Variants in SLC25A48 observed in about 807,000 individuals in gnomAD.
The protein encoded by SLC25A48 is CTC-321K16.1.
Under a neutral mutation model 32.2 loss-of-function variants are expected in SLC25A48, and 29 were observed. That is an observed-to-expected ratio of 0.90 (90% CI 0.67 to 1.23). The LOEUF (loss-of-function observed/expected upper bound fraction) is 1.23. SLC25A48 is among the 50% of genes most tolerant of loss of function. SLC25A48 has a pLI of 0.00. For missense variants in SLC25A48, 399 were observed against 422.7 expected, an observed-to-expected ratio of 0.94 and a Z score of 0.49; for synonymous variants, 164 against 172.3, an observed-to-expected ratio of 0.95 and a Z score of 0.38.
intron 3 of SLC25A48, among the ~76,000 whole-genome samples, chr5:135,669,057 A>G (rs1753589265): frequency 6.6e-6 from 1 of 152,218 alleles, no homozygotes; most frequent in South Asian, 2.1e-4. Flanking sequence ...TATGCTAGGC[A>G]CAGTGCTAAG....
At position 135,610,446 on chromosome 5, in the gene SLC25A48, A is replaced by G. The variant is rs371990205; in HGVS notation, c.-848-18791A>G. ...GCCTCATGTAGTATTTAATATGTGG[A>G]ACATATATAACAAATATTTACTTGC... On this transcript the variant is annotated intron_variant, in intron 1 of 10. Coordinates refer to the SLC25A48 transcript ENST00000646290. 6.6e-5 allele frequency among the ~76,000 whole-genome samples: 10 copies of G among 152,310 alleles called. 1 individual carries two copies. In the South Asian group the frequency reaches 2.1e-3, roughly 32 times the overall value.
intron 3 of SLC25A48, among the ~76,000 whole-genome samples, chr5:135,778,450 C>T (rs1037730813): frequency 2.0e-5 from 3 of 151,532 alleles, no homozygotes; most frequent in African/African-American, 7.3e-5. Context: ...CACCGCCACC[C>T]CACCCCGTCC....
At chr5:135,874,511 C>G (rs748250630) in intron 6 of SLC25A48, 3 of 559,692 alleles carry the variant, frequency 5.4e-6, no homozygotes, top group Non-Finnish European at 9.5e-6. Flanking sequence ...TGGCTCAGTG[C>G]CTTCCCCACT....
intron 3 of SLC25A48, among the ~76,000 whole-genome samples, chr5:135,749,399 A>T (rs984658666): frequency 6.6e-6 from 1 of 151,116 alleles, no homozygotes; most frequent in Non-Finnish European, 1.5e-5. Flanking sequence ...GGAATTTTCC[A>T]TCCCTAGTAT....
At chr5:135,786,735 G>A (rs1158069462) in intron 3 of SLC25A48, among the ~76,000 whole-genome samples, 1 of 151,824 alleles carries the variant, frequency 6.6e-6, no homozygotes, top group Non-Finnish European at 1.5e-5. Flanking sequence ...CTGGCGAGAT[G>A]TTATATTTAA....
intron 1 of SLC25A48, among the ~76,000 whole-genome samples, chr5:135,592,165 A>G (rs1751542389): frequency 6.6e-6 from 1 of 152,182 alleles, no homozygotes; most frequent in South Asian, 2.1e-4. Flanking sequence ...GCAAGGATCT[A>G]CGGTGAGAAG....
rs114118875 is a variant in SLC25A48 at position 135,837,687 on chromosome 5, C to A, written c.46+2794C>A. Among the ~76,000 whole-genome samples the A allele has an allele frequency of 9.0e-3, 1,374 of 152,240 alleles. 12 individuals are homozygous for A. The highest frequency in any genetic ancestry group is 0.029 in the African/African-American group (1,203 of 41,510). ...TCCAATGGCTTTATAAAGGGGAGTTCCCTACACAAGCTCTCTTTTTCCCTG... is the reference window on the plus strand; with the variant it reads ...TCCAATGGCTTTATAAAGGGGAGTTACCTACACAAGCTCTCTTTTTCCCTG... On this transcript the variant is annotated intron_variant, in intron 1 of 7. Transcript: ENST00000681962.
At chr5:135,710,090 A>G (rs941782892) in intron 3 of SLC25A48, among the ~76,000 whole-genome samples, 1 of 152,226 alleles carries the variant, frequency 6.6e-6, no homozygotes, top group African/African-American at 2.4e-5. Context: ...TGGCTCTGGC[A>G]CACCAACAGG....
At chr5:135,676,340 T>C (rs1447423421) in intron 3 of SLC25A48, among the ~76,000 whole-genome samples, 2 of 151,934 alleles carry the variant, frequency 1.3e-5, no homozygotes, top group Non-Finnish European at 1.5e-5. Context: ...TCCTTTTTAT[T>C]TTCCGATTTT....
At chr5:135,819,116 A>G (rs1309103712) in intron 4 of SLC25A48, among the ~76,000 whole-genome samples, 2 of 151,994 alleles carry the variant, frequency 1.3e-5, no homozygotes, top group Non-Finnish European at 2.9e-5. Context: ...TCTAACATAC[A>G]TGACATTGGA....
chr5:135,670,423 T>C (rs1753627963), intron 3 of SLC25A48, among the ~76,000 whole-genome samples: 1 of 152,204 alleles, frequency 6.6e-6, no homozygotes, highest in African/African-American at 2.4e-5. Flanking sequence ...CTGTAGTCTT[T>C]TCCAGGCACG....
chr5:135,883,334 A>G, intron 7 of SLC25A48: 1 of 985,518 alleles, frequency 1.0e-6, no homozygotes, highest in Non-Finnish European at 1.2e-6. Context: ...AACGAACAGA[A>G]CAAAACAAAA....
intron 3 of SLC25A48, among the ~76,000 whole-genome samples, chr5:135,707,431 A>G (rs1432676962): frequency 6.6e-6 from 1 of 152,026 alleles, no homozygotes; most frequent in African/African-American, 2.4e-5. Flanking sequence ...CCCTGCCCAG[A>G]TCCCTCCCTG....
intron 3 of SLC25A48, among the ~76,000 whole-genome samples, chr5:135,809,027 CG>C (rs34701629): frequency 6.6e-6 from 1 of 151,688 alleles, no homozygotes; most frequent in Non-Finnish European, 1.5e-5. Flanking sequence ...TAGGCTGGGT[CG>C]GGGGGGCTCA....
At chr5:135,825,880 G>C (rs1389213513) in intron 4 of SLC25A48, 1 of 152,222 alleles carries the variant, frequency 6.6e-6, no homozygotes, top group Non-Finnish European at 1.5e-5. Flanking sequence ...GGAGCCAGGG[G>C]CCCTCAGGGG....
chr5:135,805,943 G>A (rs972102597), intron 3 of SLC25A48, among the ~76,000 whole-genome samples: 2 of 151,690 alleles, frequency 1.3e-5, no homozygotes, highest in African/African-American at 2.4e-5. Context: ...TGCACACCCT[G>A]TGTGTACATC....
chr5:135,595,512 G>C (rs1751629130), intron 1 of SLC25A48, among the ~76,000 whole-genome samples: 1 of 152,222 alleles, frequency 6.6e-6, no homozygotes, highest in African/African-American at 2.4e-5. Flanking sequence ...AGTTAGAAAA[G>C]CTGTCGTGTC....
At chr5:135,865,360 A>C (rs1321818541) in intron 4 of SLC25A48, among the ~76,000 whole-genome samples, 3 of 152,184 alleles carry the variant, frequency 2.0e-5, no homozygotes, top group African/African-American at 7.2e-5. Flanking sequence ...GGGGTCCACC[A>C]GCCTGCTCAA....
intron 3 of SLC25A48, among the ~76,000 whole-genome samples, chr5:135,796,818 G>C (rs148064799): frequency 2.0e-5 from 3 of 151,696 alleles, no homozygotes; most frequent in African/African-American, 7.3e-5. Context: ...TCCTAATATT[G>C]CACGGGTGTG....
Sources: allele counts gnomAD v4.1 joint callset (sites outside exome capture counted in the v4.1 genomes callset), GRCh38; gene constraint gnomAD v4.1.1; transcripts MANE v1.5; gene names NCBI Gene and HGNC (gene_info 2026-07-23, HGNC 2026-07-21).